The following RERG variants were observed in gnomAD, a reference collection of about 807,000 sequenced individuals.
RERG encodes ras-related and estrogen-regulated growth inhibitor.
Under a neutral mutation model 23.2 loss-of-function variants are expected in RERG, and 25 were observed. That is an observed-to-expected ratio of 1.08 (90% CI 0.79 to 1.50). The LOEUF (loss-of-function observed/expected upper bound fraction) is 1.50, where lower values mean the gene tolerates loss of function less well. RERG is among the 40% of genes most tolerant of loss of function. The probability of loss-of-function intolerance (pLI) is 0.00; values close to 1 mark genes in which losing one functional copy is unlikely to be tolerated. For synonymous variants in RERG, 81 were observed against 89.1 expected (o/e 0.91, Z 0.51); for missense variants, 253 against 250.1 (o/e 1.01, Z -0.08).
intron 2 of RERG, among the ~76,000 whole-genome samples, chr12:15,164,324 G>A (rs2136116360): frequency 6.6e-6 from 1 of 152,262 alleles, no homozygotes; most frequent in South Asian, 2.1e-4. Context: ...CTAAGTATTT[G>A]GGACATCCAT....
intron 2 of RERG, among the ~76,000 whole-genome samples, chr12:15,159,694 G>A (rs2136112300): frequency 6.6e-6 from 1 of 152,264 alleles, no homozygotes; most frequent in Non-Finnish European, 1.5e-5. Flanking sequence ...CGTGGTGGCG[G>A]GCGCCTGTAG....
At chr12:15,179,673 A>G (rs1864898032) in intron 2 of RERG, among the ~76,000 whole-genome samples, 1 of 152,232 alleles carries the variant, frequency 6.6e-6, no homozygotes, top group South Asian at 2.1e-4. Flanking sequence ...AAGAGATGTG[A>G]GAAAATGCCT....
At chr12:15,195,108 C>T (rs1489404631) in intron 2 of RERG, among the ~76,000 whole-genome samples, 3 of 152,010 alleles carry the variant, frequency 2.0e-5, no homozygotes, top group Non-Finnish European at 4.4e-5. Flanking sequence ...GAATAAAGCC[C>T]TTCTGAACAT....
At chr12:15,122,531 A>G (rs1863850880) in intron 2 of RERG, among the ~76,000 whole-genome samples, 1 of 152,192 alleles carries the variant, frequency 6.6e-6, no homozygotes. Context: ...GCTGAATTCG[A>G]GCCAAAATAT....
At chr12:15,145,316 AAG>A (rs1284380758) in intron 2 of RERG, among the ~76,000 whole-genome samples, 1 of 152,254 alleles carries the variant, frequency 6.6e-6, no homozygotes, top group Non-Finnish European at 1.5e-5. Flanking sequence ...ATTAAAGAAG[AAG>A]AGAGAGACAG....
In RERG at chr12:15,183,165, G is replaced by A. The variant is rs531657028; in HGVS notation, c.61+34264C>T. On this transcript the variant is annotated intron_variant, in intron 2 of 4. Transcript: ENST00000256953. ...TAAAAAGTTGGAGTAGAAAATATGG[G>A]GATGTAAGATCTAAATTAATGATAA... 1.3e-4 allele frequency among the ~76,000 whole-genome samples: 20 copies of A among 152,028 alleles called. No individual in the cohort carries two copies. The South Asian group carries it at 2.7e-3, about 21-fold the overall frequency.
chr12:15,215,003 G>A (rs1865420912), intron 2 of RERG, among the ~76,000 whole-genome samples: 1 of 152,190 alleles, frequency 6.6e-6, no homozygotes, highest in African/African-American at 2.4e-5. Flanking sequence ...TGTTGACATA[G>A]GAAAACACTG....
At chr12:15,177,559 C>T (rs1864867569) in intron 2 of RERG, among the ~76,000 whole-genome samples, 1 of 152,164 alleles carries the variant, frequency 6.6e-6, no homozygotes, top group African/African-American at 2.4e-5. Flanking sequence ...TAATAGAATA[C>T]CTCAAAATCT....
intron 2 of RERG, chr12:15,155,356 A>T (rs560921782): frequency 2.4e-4 from 36 of 152,316 alleles, no homozygotes; most frequent in African/African-American, 8.2e-4. Flanking sequence ...CAAAGCAAAT[A>T]CATAACCAAG....
At chr12:15,122,533 C>A (rs897691413) in intron 2 of RERG, among the ~76,000 whole-genome samples, 2 of 152,142 alleles carry the variant, frequency 1.3e-5, no homozygotes, top group Non-Finnish European at 2.9e-5. Context: ...TGAATTCGAG[C>A]CAAAATATTT....
intron 2 of RERG, among the ~76,000 whole-genome samples, chr12:15,185,437 T>C (rs1210341678): frequency 6.6e-6 from 1 of 152,098 alleles, no homozygotes; most frequent in Admixed American, 6.6e-5. Flanking sequence ...GCAGAGTGGC[T>C]ACCTGCTCTT....
At chr12:15,207,350 A>G (rs1027267790) in intron 2 of RERG, among the ~76,000 whole-genome samples, 3 of 152,160 alleles carry the variant, frequency 2.0e-5, no homozygotes, top group Non-Finnish European at 1.5e-5. Flanking sequence ...TAAGAGGATG[A>G]AAATGAACAT....
intron 2 of RERG, among the ~76,000 whole-genome samples, chr12:15,131,787 C>G (rs1218845101): frequency 6.6e-6 from 1 of 152,198 alleles, no homozygotes; most frequent in East Asian, 1.9e-4. Context: ...ACATACAGTT[C>G]ATTTGCAATT....
chr12:15,205,554 A>G (rs759585141), intron 2 of RERG, among the ~76,000 whole-genome samples: 1 of 152,070 alleles, frequency 6.6e-6, no homozygotes, highest in Non-Finnish European at 1.5e-5. Context: ...AAACCGTCAA[A>G]CTCAACATGT....
At chr12:15,211,281 TTA>T (rs1865361774) in intron 2 of RERG, among the ~76,000 whole-genome samples, 1 of 114,520 alleles carries the variant, frequency 8.7e-6, no homozygotes, top group African/African-American at 3.2e-5. Flanking sequence ...GAATGTCATT[TTA>T]TACACACACA....
intron 2 of RERG, among the ~76,000 whole-genome samples, chr12:15,174,505 T>G (rs1426780502): frequency 6.6e-6 from 1 of 151,594 alleles, no homozygotes; most frequent in African/African-American, 2.4e-5. Context: ...TGTATATATA[T>G]ATATTTAAAA....
intron 2 of RERG, among the ~76,000 whole-genome samples, chr12:15,192,815 CAG>C (rs1222335464): frequency 2.6e-5 from 4 of 152,114 alleles, no homozygotes; most frequent in African/African-American, 9.7e-5. Context: ...AGCCATTTTG[CAG>C]AGTGTCTTTG....
chr12:15,151,640 A>G lies in RERG; in HGVS notation c.62-30521T>C, dbSNP rs1327785836. ...GGTAGAAATCTTTCAGGTGAAATGT[A>G]ATGTCCAGGAACTGAATGGTAGTGG... On this transcript the variant is annotated intron_variant, in intron 2 of 4. Coordinates refer to ENST00000256953, the MANE Select transcript of RERG (RefSeq NM_032918.3). 4.6e-5 allele frequency among the ~76,000 whole-genome samples: 7 copies of G among 152,314 alleles called. No homozygotes were observed. The South Asian group carries it at 1.2e-3, about 27-fold the overall frequency.
chr12:15,170,666 G>A (rs761746704), intron 2 of RERG, among the ~76,000 whole-genome samples: 3 of 152,086 alleles, frequency 2.0e-5, no homozygotes, highest in South Asian at 2.1e-4. Flanking sequence ...AGCCGAGCTC[G>A]AGGAAGCCTG....
Sources: allele counts gnomAD v4.1 joint callset (sites outside exome capture counted in the v4.1 genomes callset), GRCh38; gene constraint gnomAD v4.1.1; transcripts MANE v1.5; gene names NCBI Gene and HGNC (gene_info 2026-07-23, HGNC 2026-07-21).